Variants in CSGALNACT1 observed in about 807,000 individuals in gnomAD.
CSGALNACT1 encodes the protein chondroitin sulfate N-acetylgalactosaminyltransferase 1, also known as beta4GalNAcT-1.
A neutral mutation model predicts 51.0 loss-of-function variants in CSGALNACT1; 52 were observed. That is an observed-to-expected ratio of 1.02 (90% CI 0.82 to 1.29). The LOEUF (loss-of-function observed/expected upper bound fraction) is 1.29. Among genes scored for constraint, CSGALNACT1 ranks in the 50% most tolerant of loss-of-function variants. The pLI, the probability that CSGALNACT1 is intolerant of heterozygous loss-of-function variation, is 0.00. For missense variants in CSGALNACT1, 935 were observed against 679.2 expected (o/e 1.38, Z -4.19); for synonymous variants, 341 against 254.4 (o/e 1.34, Z -3.24).
At chr8:19,503,220 C>T (rs935260106) in intron 4 of CSGALNACT1, among the ~76,000 whole-genome samples, 2 of 152,120 alleles carry the variant, frequency 1.3e-5, no homozygotes, top group Non-Finnish European at 2.9e-5. Flanking sequence ...AGACTTTCAC[C>T]AAATATGGAA....
chr8:19,479,531 A>T (rs868018901), intron 4 of CSGALNACT1, among the ~76,000 whole-genome samples: 2 of 152,174 alleles, frequency 1.3e-5, no homozygotes, highest in African/African-American at 4.8e-5. Context: ...GTTCTGTCTT[A>T]TTCTCCTTCA....
rs182471687 is a variant in CSGALNACT1 at position 19,498,985 on chromosome 8, A to G, written c.634+6216T>C. On this transcript the variant is annotated intron_variant, in intron 4 of 9. Transcript: ENST00000454498. ...TAAAAAATTGGCTGGACATGGTGGT[A>G]CACACCTGTAGCCCAGCTGCTCCAA... is the stretch of plus-strand genomic sequence containing the variant. Among the ~76,000 whole-genome samples the G allele has an allele frequency of 5.4e-4, 82 of 152,260 alleles. No homozygotes were observed. In the East Asian group the frequency reaches 0.015, roughly 27 times the overall value.
intron 2 of CSGALNACT1, among the ~76,000 whole-genome samples, chr8:19,591,564 T>C (rs1338133900): frequency 6.6e-6 from 1 of 152,164 alleles, no homozygotes; most frequent in Non-Finnish European, 1.5e-5. Context: ...ACCATCTTAA[T>C]TGTAGAAAGG....
chr8:19,427,170 T>G (rs953949505), intron 6 of CSGALNACT1, among the ~76,000 whole-genome samples: 3 of 152,190 alleles, frequency 2.0e-5, no homozygotes, highest in Admixed American at 2.0e-4. Context: ...CTTTAGGAAC[T>G]TCATTTTTGC....
intron 1 of CSGALNACT1, among the ~76,000 whole-genome samples, chr8:19,637,202 A>C (rs145958728): frequency 2.6e-5 from 4 of 152,252 alleles, no homozygotes; most frequent in African/African-American, 9.6e-5. Flanking sequence ...ACTCCATCTC[A>C]AAATAAATAA....
At chr8:19,668,213 T>C (rs1210774533) in intron 1 of CSGALNACT1, among the ~76,000 whole-genome samples, 2 of 152,172 alleles carry the variant, frequency 1.3e-5, no homozygotes, top group African/African-American at 4.8e-5. Flanking sequence ...TCATCACTGC[T>C]TTCCTCTGTT....
In CSGALNACT1 at chr8:19,540,992, G is replaced by T. The variant is rs184817771; in HGVS notation, c.-296-34862C>A. On this transcript the variant is annotated intron_variant, in intron 3 of 9. Coordinates refer to ENST00000454498, the Ensembl canonical transcript of CSGALNACT1. ...GTCCCCAGACTGTAGGTCATTTAAA[G>T]AAAGAATGACATCTTAACTCTTTAT... 3.3e-5 allele frequency among the ~76,000 whole-genome samples: 5 copies of T among 152,278 alleles called. 1 individual carries two copies. Among genetic ancestry groups the T allele is most frequent in the Admixed American group, 3.3e-4 (5 of 15,288 alleles).
intron 1 of CSGALNACT1, among the ~76,000 whole-genome samples, chr8:19,641,078 GTC>G (rs2056679214): frequency 6.8e-6 from 1 of 147,180 alleles, no homozygotes; most frequent in East Asian, 2.1e-4. Context: ...GAGTTCTCAA[GTC>G]TCCCAGGGAT....
chr8:19,539,290 A>G (rs1563958177), intron 3 of CSGALNACT1, among the ~76,000 whole-genome samples: 6 of 152,324 alleles, frequency 3.9e-5, no homozygotes, highest in Middle Eastern at 3.4e-3. Context: ...AAATTTGCTC[A>G]TTCTACATAA....
At chr8:19,633,318 G>A (rs1157067459) in intron 1 of CSGALNACT1, among the ~76,000 whole-genome samples, 1 of 151,872 alleles carries the variant, frequency 6.6e-6, no homozygotes, top group African/African-American at 2.4e-5. Context: ...TTACCCTACT[G>A]CTTGACAACC....
At chr8:19,452,945 T>C (rs961322986) in intron 5 of CSGALNACT1, among the ~76,000 whole-genome samples, 8 of 152,292 alleles carry the variant, frequency 5.3e-5, no homozygotes, top group East Asian at 1.9e-4. Context: ...AGAAATACCC[T>C]GTCCTCAAAA....
At chr8:19,535,122 C>T (rs909138998) in intron 3 of CSGALNACT1, among the ~76,000 whole-genome samples, 19 of 152,076 alleles carry the variant, frequency 1.2e-4, no homozygotes, top group African/African-American at 4.3e-4. Context: ...AGGTTCCTAA[C>T]ACATTTAAAC....
intron 4 of CSGALNACT1, among the ~76,000 whole-genome samples, chr8:19,494,682 C>A (rs2075114938): frequency 6.6e-6 from 1 of 152,162 alleles, no homozygotes; most frequent in Non-Finnish European, 1.5e-5. Context: ...TTGAGTTGCA[C>A]TTAACCTGAG....
exon 10 of CSGALNACT1, chr8:19,404,242 T>C (rs2053720988): frequency 2.4e-6 from 1 of 421,014 alleles, no homozygotes; most frequent in Admixed American, 2.8e-5. Context: ...TTTCATAAAC[T>C]ACCAGTACAA....
rs187649448 is a variant in CSGALNACT1, at chr8:19,663,615, T to A, written c.-544+18858A>T. Among the ~76,000 whole-genome samples the A allele has an allele frequency of 2.2e-3, 336 of 152,238 alleles. 2 individuals are homozygous for A. Among genetic ancestry groups the A allele is most frequent in the Non-Finnish European group, 4.3e-3 (290 of 68,016 alleles). ...TACCTCCTTAAGCTTCAAATTCACA[T>A]CCTGTACAAAGATTTGAGGAATGAT... On this transcript the variant is annotated intron_variant, in intron 1 of 9. Coordinates refer to the CSGALNACT1 transcript ENST00000332246.
chr8:19,713,244 G>T (rs571161784), intron 1 of CSGALNACT1, among the ~76,000 whole-genome samples: 10 of 152,146 alleles, frequency 6.6e-5, no homozygotes, highest in Non-Finnish European at 1.5e-4. Flanking sequence ...CAGGAATAGC[G>T]AACCACATAA....
chr8:19,610,577 G>A (rs754937660), intron 1 of CSGALNACT1, among the ~76,000 whole-genome samples: 1 of 152,104 alleles, frequency 6.6e-6, no homozygotes, highest in Non-Finnish European at 1.5e-5. Flanking sequence ...GGAACGCACC[G>A]GCAGGCGCCA....
chr8:19,733,386 G>C (rs957375148), intron 1 of CSGALNACT1, among the ~76,000 whole-genome samples: 4 of 152,162 alleles, frequency 2.6e-5, no homozygotes, highest in Non-Finnish European at 5.9e-5. Context: ...AAGCATAAAA[G>C]AGATTCCATT....
chr8:19,581,357 C>T (rs2045526333), intron 3 of CSGALNACT1, among the ~76,000 whole-genome samples: 1 of 152,216 alleles, frequency 6.6e-6, no homozygotes. Flanking sequence ...CTCTCACCTA[C>T]TTTGCAATTA....
Sources: allele counts gnomAD v4.1 joint callset (sites outside exome capture counted in the v4.1 genomes callset), GRCh38; gene constraint gnomAD v4.1.1; transcripts MANE v1.5; gene names NCBI Gene and HGNC (gene_info 2026-07-23, HGNC 2026-07-21).